NRXN1: variants seen among roughly 807,000 people sequenced by gnomAD.
NRXN1 encodes the protein neurexin-1.
Under a neutral mutation model 150.9 loss-of-function variants are expected in NRXN1, and 39 were observed. The observed-to-expected ratio is 0.26, with a 90% CI of 0.20 to 0.34. The LOEUF is 0.34. Ranked by LOEUF, NRXN1 falls within the 10% of genes least tolerant of loss-of-function variation. The pLI is 1.00. For synonymous variants in NRXN1, 924 were observed against 757.0 expected, an observed-to-expected ratio of 1.22 and a Z score of -3.62; for missense variants, 1,815 against 1,949.9, an observed-to-expected ratio of 0.93 and a Z score of 1.30.
intron 3 of NRXN1, among the ~76,000 whole-genome samples, chr2:50,924,809 A>C (rs1477107554): frequency 6.6e-6 from 1 of 151,728 alleles, no homozygotes; most frequent in Admixed American, 6.6e-5. Context: ...TGTACGAATC[A>C]CAAATATAAT....
At chr2:50,313,833 T>C (rs1040906143) in intron 17 of NRXN1, among the ~76,000 whole-genome samples, 1 of 152,092 alleles carries the variant, frequency 6.6e-6, no homozygotes, top group African/African-American at 2.4e-5. Flanking sequence ...CGTGTTTTCA[T>C]GATTTTACTT....
chr2:50,356,932 A>T (rs2078858253), intron 17 of NRXN1, among the ~76,000 whole-genome samples: 1 of 152,140 alleles, frequency 6.6e-6, no homozygotes, highest in Non-Finnish European at 1.5e-5. Context: ...ATCTAGACTT[A>T]AGATTTTTTT....
chr2:50,612,497 T>C (rs187879369), intron 8 of NRXN1, among the ~76,000 whole-genome samples: 3 of 152,316 alleles, frequency 2.0e-5, no homozygotes, highest in African/African-American at 7.2e-5. Flanking sequence ...GTGTTCCTGA[T>C]GCCCCCAGGC....
intron 17 of NRXN1, chr2:50,312,864 G>C (rs2075291333): frequency 8.8e-6 from 4 of 456,880 alleles, no homozygotes; most frequent in African/African-American, 2.0e-5. Context: ...AGTTTTGATA[G>C]AGGCAGGCAG....
chr2:50,474,990 A>G (rs1024610468), intron 15 of NRXN1, among the ~76,000 whole-genome samples: 2 of 152,064 alleles, frequency 1.3e-5, no homozygotes, highest in Non-Finnish European at 2.9e-5. Context: ...GAGTTATAGA[A>G]AAATAGAAAA....
intron 21 of NRXN1, among the ~76,000 whole-genome samples, chr2:50,030,409 T>C (rs145206617): frequency 1.3e-5 from 2 of 152,166 alleles, no homozygotes; most frequent in Admixed American, 1.3e-4. Flanking sequence ...TGTGGACACA[T>C]AGGAGTCTAT....
At chr2:50,104,178 A>G (rs546600897) in intron 18 of NRXN1, among the ~76,000 whole-genome samples, 1 of 152,166 alleles carries the variant, frequency 6.6e-6, no homozygotes, top group East Asian at 1.9e-4. Flanking sequence ...TCTACTTAAA[A>G]GTCTGGGCTG....
At chr2:50,860,965 C>A (rs1676049189) in intron 5 of NRXN1, among the ~76,000 whole-genome samples, 1 of 152,066 alleles carries the variant, frequency 6.6e-6, no homozygotes, top group Non-Finnish European at 1.5e-5. Context: ...AAATGTGATT[C>A]TCTTGACATG....
At chr2:50,590,065 T>C (rs7582692) in intron 8 of NRXN1, among the ~76,000 whole-genome samples, 78,448 of 152,076 alleles carry the variant, frequency 0.52, 20,394 homozygotes, top group South Asian at 0.58. Flanking sequence ...GTAAGGTTCA[T>C]TGCTCAAGTA....
chr2:50,900,935 C>A (rs978219753), intron 5 of NRXN1, among the ~76,000 whole-genome samples: 2 of 152,140 alleles, frequency 1.3e-5, no homozygotes, highest in African/African-American at 4.8e-5. Context: ...CTCTTCAATT[C>A]TCTCAAATGT....
At chr2:50,645,749 A>G (rs987653612) in intron 5 of NRXN1, among the ~76,000 whole-genome samples, 1 of 151,800 alleles carries the variant, frequency 6.6e-6, no homozygotes, top group African/African-American at 2.4e-5. Flanking sequence ...ATTATCTACT[A>G]CCCTTTTAAA....
At chr2:50,746,766 T>C (rs1700077666) in intron 5 of NRXN1, among the ~76,000 whole-genome samples, 1 of 152,086 alleles carries the variant, frequency 6.6e-6, no homozygotes, top group Non-Finnish European at 1.5e-5. Flanking sequence ...GTTCTGAAAT[T>C]AGGATGCATT....
At chr2:50,464,997 A>C (rs2088665498) in intron 17 of NRXN1, among the ~76,000 whole-genome samples, 1 of 151,876 alleles carries the variant, frequency 6.6e-6, no homozygotes, top group Non-Finnish European at 1.5e-5. Flanking sequence ...TTTTTTTAAA[A>C]GTAAAAGGCA....
chr2:50,640,433 T>G (rs1683904908), intron 5 of NRXN1, among the ~76,000 whole-genome samples: 1 of 152,302 alleles, frequency 6.6e-6, no homozygotes, highest in South Asian at 2.1e-4. Flanking sequence ...CTTATGTAAC[T>G]TATCAGGAAA....
intron 2 of NRXN1, among the ~76,000 whole-genome samples, chr2:50,993,555 T>C (rs552502202): frequency 2.0e-5 from 3 of 152,092 alleles, no homozygotes; most frequent in African/African-American, 7.2e-5. Context: ...CTATGATTCT[T>C]TTTAATTCTC....
chr2:50,949,698 G>GTA (rs1422789407), intron 2 of NRXN1, among the ~76,000 whole-genome samples: 2 of 151,950 alleles, frequency 1.3e-5, no homozygotes, highest in Non-Finnish European at 2.9e-5. Context: ...TATAATAAAA[G>GTA]TATCTTCTGA....
chr2:50,683,744 G>T (rs1321414269), intron 5 of NRXN1, among the ~76,000 whole-genome samples: 1 of 145,796 alleles, frequency 6.9e-6, no homozygotes, highest in South Asian at 2.3e-4. Context: ...TACTTCAGCT[G>T]CCCCAAAGGA....
rs1353083485 is a variant in NRXN1, at chr2:50,915,329, C to CA, written c.832+6539dup. Among the ~76,000 whole-genome samples, 3 of 151,396 alleles carry CA rather than the reference C, an allele frequency of 2.0e-5. No homozygotes were observed. The South Asian group carries it at 6.2e-4, about 31-fold the overall frequency. ...ATTAGTATGGCAAAACATTAATTTACAAAAAAAGTTTCATCTCATTGGTAC... is the reference window on the plus strand; with the variant it reads ...ATTAGTATGGCAAAACATTAATTTACAAAAAAAAGTTTCATCTCATTGGTAC... On this transcript the variant is annotated intron_variant, in intron 5 of 22. Coordinates refer to ENST00000401669, the MANE Select transcript of NRXN1 (RefSeq NM_001330078.2).
intron 12 of NRXN1, among the ~76,000 whole-genome samples, chr2:50,515,393 T>C (rs1169093479): frequency 6.6e-6 from 1 of 152,190 alleles, no homozygotes; most frequent in African/African-American, 2.4e-5. Context: ...ATGATACATG[T>C]AGTGAAATTC....
Sources: allele counts gnomAD v4.1 joint callset (sites outside exome capture counted in the v4.1 genomes callset), GRCh38; gene constraint gnomAD v4.1.1; transcripts MANE v1.5; gene names NCBI Gene and HGNC (gene_info 2026-07-23, HGNC 2026-07-21).